The following CPEB1 variants were observed in gnomAD, a reference collection of about 807,000 sequenced individuals.
The protein encoded by CPEB1 is cytoplasmic polyadenylation element binding protein 1.
Under a neutral mutation model 65.8 loss-of-function variants are expected in CPEB1, and 7 were observed. That is an observed-to-expected ratio of 0.11 (90% CI 0.06 to 0.20). CPEB1 has a LOEUF of 0.20. Ranked by LOEUF, CPEB1 falls within the 10% of genes least tolerant of loss-of-function variation. The pLI is 1.00. For missense variants in CPEB1, 551 were observed against 712.2 expected, an observed-to-expected ratio of 0.77 and a Z score of 2.58; for synonymous variants, 262 against 260.0, an observed-to-expected ratio of 1.01 and a Z score of -0.08.
At chr15:82,585,947 GCA>G (rs1198393780) in intron 3 of CPEB1, among the ~76,000 whole-genome samples, 1 of 151,614 alleles carries the variant, frequency 6.6e-6, no homozygotes, top group East Asian at 1.9e-4. Context: ...CACTAGCTAG[GCA>G]ACCAGGATAT....
intron 3 of CPEB1, chr15:82,572,933 T>C (rs1216996902): frequency 8.7e-7 from 1 of 1,151,640 alleles, no homozygotes; most frequent in Non-Finnish European, 1.2e-6. Context: ...TTTTCCAACA[T>C]GAGCCCAGGG....
chr15:82,590,468 A>T (rs2042157929), intron 3 of CPEB1, among the ~76,000 whole-genome samples: 1 of 152,192 alleles, frequency 6.6e-6, no homozygotes, highest in African/African-American at 2.4e-5. Context: ...TCAGGGTGGT[A>T]TGGCTATAGA....
intron 3 of CPEB1, among the ~76,000 whole-genome samples, chr15:82,604,011 G>A (rs1737188851): frequency 6.6e-6 from 1 of 152,328 alleles, no homozygotes; most frequent in African/African-American, 2.4e-5. Context: ...GACATTACAT[G>A]TATTAGACAA....
chr15:82,555,889 C>A lies in CPEB1; in HGVS notation c.921G>T (p.Arg307Ser), dbSNP rs371097233. Residue 307 changes from arginine to serine, a missense_variant, in exon 6 of 13, where the codon AGG becomes AGT. By Grantham distance (110) the Arg-to-Ser change is moderately radical. Coordinates refer to ENST00000684509, the MANE Select transcript of CPEB1 (RefSeq NM_001365242.1). ...KDPFSIEREA[R>S]LHRQAAAVNE... ...ACTCACCTGCAGCTTGTCGGTGCAG[C>A]CTGGCCTCTCTCTCTATGCTGAAGG... 149 of 1,612,918 alleles carry A rather than the reference C, an allele frequency of 9.2e-5. No individual in the cohort carries two copies. Among genetic ancestry groups the A allele is most frequent in the Non-Finnish European group, 1.2e-4 (146 of 1,179,574 alleles).
Position 82,544,196 on chromosome 15 carries a change from T to G in CPEB1, c.*396A>C, listed in dbSNP as rs2034764880. The G allele has an allele frequency of 1.2e-5, 2 of 169,052 alleles. No individual in the cohort carries two copies. Among genetic ancestry groups the G allele is most frequent in the African/African-American group, 4.8e-5 (2 of 41,516 alleles). 10.5% of individuals were successfully genotyped at this position (169,052 alleles called of 1,614,324 possible). On this transcript the variant is annotated 3_prime_UTR_variant, in exon 13 of 13. Coordinates refer to ENST00000684509, the MANE Select transcript of CPEB1 (RefSeq NM_001365242.1). ...TCATCACCATCAGTATTGCAAGGAATGTAAAAAAGCGCTTTTAATAAATAA... is the reference window on the plus strand; with the variant it reads ...TCATCACCATCAGTATTGCAAGGAAGGTAAAAAAGCGCTTTTAATAAATAA...
intron 3 of CPEB1, among the ~76,000 whole-genome samples, chr15:82,592,853 C>T (rs182028499): frequency 2.0e-5 from 3 of 151,820 alleles, no homozygotes; most frequent in African/African-American, 2.4e-5. Flanking sequence ...AAAAATTAGC[C>T]GGGCATGGTG....
chr15:82,612,721 C>A (rs1471617233), intron 3 of CPEB1, among the ~76,000 whole-genome samples: 1 of 151,882 alleles, frequency 6.6e-6, no homozygotes. Flanking sequence ...GTAATCCCAG[C>A]TACTCAGGAG....
At position 82,554,003 on chromosome 15, in the gene CPEB1, G is replaced by A. The variant is rs1380634903; in HGVS notation, c.941-12C>T. On this transcript the variant is annotated splice_polypyrimidine_tract_variant and intron_variant, in intron 6 of 12. Coordinates refer to ENST00000684509, the MANE Select transcript of CPEB1 (RefSeq NM_001365242.1). Reference sequence around the variant, plus strand: ...GGCTTCATTCACAGCTTTGGTAGATGGCAAAGAGATAAACAGGGGAGGTTA... The same window carrying A: ...GGCTTCATTCACAGCTTTGGTAGATAGCAAAGAGATAAACAGGGGAGGTTA... 4 of 1,519,826 alleles carry A rather than the reference G, an allele frequency of 2.6e-6. No homozygotes were observed. The highest frequency in any genetic ancestry group is 3.6e-6 in the Non-Finnish European group (4 of 1,106,696). 94.1% of individuals were successfully genotyped at this position (1,519,826 alleles called of 1,614,324 possible). A position where few individuals can be genotyped will look rare whatever the true frequency, so the allele number is the denominator to read the frequency against.
Position 82,628,219 on chromosome 15 carries a change from G to A in CPEB1, c.96+145C>T, listed in dbSNP as rs1229494072. The A allele has an allele frequency of 1.0e-5, 7 of 702,558 alleles. No homozygotes were observed. The Admixed American group carries it at 1.0e-4, about 10-fold the overall frequency. 43.5% of individuals were successfully genotyped at this position (702,558 alleles called of 1,614,324 possible). On this transcript the variant is annotated intron_variant, in intron 2 of 12. Transcript: ENST00000684509. ...TAATAAATTCCTGCTTAAAAAAACT[G>A]TTTCCAGATGTTGTACATGACTTCA... is the stretch of plus-strand genomic sequence containing the variant.
At chr15:82,636,537 G>T (rs1472039786) in intron 1 of CPEB1, among the ~76,000 whole-genome samples, 2 of 152,180 alleles carry the variant, frequency 1.3e-5, no homozygotes, top group Admixed American at 6.5e-5. Flanking sequence ...ACAATTTCCA[G>T]GACAGGTTTA....
chr15:82,575,835 C>T (rs369697352), intron 3 of CPEB1, among the ~76,000 whole-genome samples: 7 of 152,112 alleles, frequency 4.6e-5, no homozygotes, highest in African/African-American at 9.7e-5. Flanking sequence ...GTAAATGGTA[C>T]ATCCACCTTG....
At chr15:82,601,358 T>C (rs1056648149) in intron 3 of CPEB1, among the ~76,000 whole-genome samples, 6 of 151,620 alleles carry the variant, frequency 4.0e-5, no homozygotes, top group Non-Finnish European at 7.4e-5. Context: ...CAGGCCAACA[T>C]GACTAAACCC....
At chr15:82,578,459 A>G (rs1474305446) in intron 3 of CPEB1, among the ~76,000 whole-genome samples, 1 of 152,178 alleles carries the variant, frequency 6.6e-6, no homozygotes, top group Non-Finnish European at 1.5e-5. Context: ...AAATGTATAT[A>G]TACAGTGTTG....
chr15:82,611,665 T>G (rs1387485639), intron 3 of CPEB1, among the ~76,000 whole-genome samples: 2 of 151,866 alleles, frequency 1.3e-5, no homozygotes, highest in Non-Finnish European at 1.5e-5. Flanking sequence ...CTCAAGAGGC[T>G]GAGGCAGGAA....
chr15:82,556,982 C>G lies in CPEB1; in HGVS notation c.687+778G>C, dbSNP rs148668600. Among the ~76,000 whole-genome samples, 315 of 152,268 alleles carry G rather than the reference C, an allele frequency of 2.1e-3. 1 individual carries two copies. Among genetic ancestry groups the G allele is most frequent in the African/African-American group, 7.4e-3 (309 of 41,554 alleles). The stretch of plus-strand genomic sequence containing the variant: ...GTAATTCTATTCACTGCACATTCAG[C>G]TCGGGAGATTTGGCAACAAAAATGC... On this transcript the variant is annotated intron_variant, in intron 5 of 12. Coordinates refer to ENST00000684509, the MANE Select transcript of CPEB1 (RefSeq NM_001365242.1).
At chr15:82,548,162 C>A (rs2035603277) in intron 10 of CPEB1, among the ~76,000 whole-genome samples, 1 of 151,948 alleles carries the variant, frequency 6.6e-6, no homozygotes, top group Admixed American at 6.6e-5. Context: ...TGGTGAAACC[C>A]CGTCTCTACT....
At chr15:82,579,898 G>A (rs1413301979) in intron 3 of CPEB1, among the ~76,000 whole-genome samples, 4 of 119,826 alleles carry the variant, frequency 3.3e-5, no homozygotes, top group African/African-American at 1.3e-4. Context: ...CGGCCTGGGC[G>A]ACAGAGTGAG....
chr15:82,604,883 T>C (rs1483389573), intron 3 of CPEB1, among the ~76,000 whole-genome samples: 1 of 152,098 alleles, frequency 6.6e-6, no homozygotes, highest in Non-Finnish European at 1.5e-5. Context: ...AACATTAATC[T>C]ACATATTCAA....
At chr15:82,550,137 T>A (rs2035993672) in intron 9 of CPEB1, among the ~76,000 whole-genome samples, 1 of 152,152 alleles carries the variant, frequency 6.6e-6, no homozygotes, top group Non-Finnish European at 1.5e-5. Flanking sequence ...TGGCCCAACC[T>A]AGCCTTCAGA....
Sources: allele counts gnomAD v4.1 joint callset (sites outside exome capture counted in the v4.1 genomes callset), GRCh38; gene constraint gnomAD v4.1.1; transcripts MANE v1.5; gene names NCBI Gene and HGNC (gene_info 2026-07-23, HGNC 2026-07-21).